MVP: variants seen among roughly 807,000 people sequenced by gnomAD.
MVP encodes major vault protein, also known as lung resistance-related protein.
MVP carries 62 observed loss-of-function variants against 83.5 expected under a neutral mutation model. That is an observed-to-expected ratio of 0.74 (90% confidence interval 0.61 to 0.92). The LOEUF (loss-of-function observed/expected upper bound fraction) is 0.92. Among genes scored for constraint, MVP ranks in the 40% least tolerant of loss-of-function variants. MVP has a pLI of 0.00. For missense variants in MVP, 1,000 were observed against 1,203.4 expected (o/e 0.83, Z 2.50); for synonymous variants, 505 against 504.1 (o/e 1.00, Z -0.02).
At chr16:29,838,365 G>T (rs886975378) in intron 7 of MVP, among the ~76,000 whole-genome samples, 1 of 151,104 alleles carries the variant, frequency 6.6e-6, no homozygotes, top group Non-Finnish European at 1.5e-5. Context: ...GAACCCGGGA[G>T]GCGGAGGTTG....
At position 29,846,198 on chromosome 16, in the gene MVP, G is replaced by A. The variant is rs376043451; in HGVS notation, c.2179G>A (p.Glu727Lys). 333 of 1,605,986 alleles carry A rather than the reference G, an allele frequency of 2.1e-4. 1 individual carries two copies. The highest frequency in any genetic ancestry group is 2.1e-4 in the Non-Finnish European group (245 of 1,176,258). ...ESTGTAKAEAESRAEAARIEG... is the reference protein window; with the variant it reads ...ESTGTAKAEAKSRAEAARIEG... ...CACCGGGACTGCCAAGGCGGAGGCC[G>A]AGTCCCGTGCGGAGGCAGCCCGGAT... Residue 727 changes from glutamate to lysine, a missense_variant, in exon 13 of 15, where the codon GAG (glutamate) becomes AAG (lysine). Transcript: ENST00000357402.
chr16:29,833,313 C>T (rs888462640), intron 3 of MVP: 1 of 167,962 alleles, frequency 6.0e-6, no homozygotes, highest in Non-Finnish European at 1.3e-5. Flanking sequence ...ATCTGAACTC[C>T]TGAGACAGGG....
intron 12 of MVP, 55 bp from the exon 13 acceptor site, chr16:29,846,102 GC>G: frequency 6.2e-7 from 1 of 1,600,840 alleles, no homozygotes; most frequent in Non-Finnish European, 8.5e-7. Context: ...ATAAGCCAAG[GC>G]CGTGGGGGGA....
chr16:29,840,241 G>A lies in MVP; in HGVS notation c.973G>A (p.Val325Met). 1.2e-6 allele frequency: 2 copies of A among 1,614,038 alleles called. No homozygotes were observed. The highest frequency in any genetic ancestry group is 1.7e-6 in the Non-Finnish European group (2 of 1,179,996). ...GGAACAAGGCATCCAGGATGTGTAT[G>A]TGCTGTCGGAGCAGCAGGGGCTGCT... ...QLEQGIQDVY[V>M]LSEQQGLLLR... Residue 325 changes from valine to methionine, a missense_variant, in exon 8 of 15, where the codon GTG becomes ATG. Physicochemically the swap from Val to Met is conservative, Grantham distance 21. Coordinates refer to ENST00000357402, the MANE Select transcript of MVP (RefSeq NM_005115.5).
Position 29,841,653 on chromosome 16 carries a change from A to G in MVP, c.1249A>G (p.Lys417Glu). 2 of 1,611,924 alleles carry G rather than the reference A, an allele frequency of 1.2e-6. No homozygotes were observed. Among genetic ancestry groups the G allele is most frequent in the Non-Finnish European group, 1.7e-6 (2 of 1,179,430 alleles). ...GACCCAGGACGAAGTCCTGTGGGAG[A>G]AAGAGCTGCCTCCCGGGGTGGAGGA... ...MLTQDEVLWE[K>E]ELPPGVEELL... is the part of the protein sequence containing the mutation. The change falls in exon 9 of 15, where the codon AAA becomes GAA. Residue 417 changes from lysine to glutamate, a missense_variant. Physicochemically the swap from Lys to Glu is moderately conservative, Grantham distance 56. Coordinates refer to ENST00000357402, the MANE Select transcript of MVP (RefSeq NM_005115.5). This position sits in a 1 kb window ranked among gnomAD's most constrained non-coding sequence, Gnocchi z 4.7.
At chr16:29,835,531 G>T in intron 5 of MVP, 173 bp from the exon 6 acceptor site, 1 of 459,886 alleles carries the variant, frequency 2.2e-6, no homozygotes, top group Non-Finnish European at 3.9e-6. Context: ...TGGGGTGGGG[G>T]TTTGGCCTCA....
At position 29,846,174 on chromosome 16, in the gene MVP, A is replaced by C; in HGVS notation, c.2155A>C (p.Thr719Pro). The C allele has an allele frequency of 6.2e-7, 1 of 1,611,106 alleles. No homozygotes were observed. Among genetic ancestry groups the C allele is most frequent in the Non-Finnish European group, 8.5e-7 (1 of 1,178,800 alleles). ...LEALSMAVES[T>P]GTAKAEAESR... ...TCTCCCCAGCATGGCCGTGGAGAGCACCGGGACTGCCAAGGCGGAGGCCGA... is the reference window on the plus strand; with the variant it reads ...TCTCCCCAGCATGGCCGTGGAGAGCCCCGGGACTGCCAAGGCGGAGGCCGA... The change falls in exon 13 of 15, where the codon ACC becomes CCC. Residue 719 changes from threonine to proline, a missense_variant. Thr to Pro is a conservative substitution (Grantham distance 38). Coordinates refer to ENST00000357402, the MANE Select transcript of MVP (RefSeq NM_005115.5).
intron 3 of MVP, chr16:29,831,649 A>G (rs1406032395): frequency 2.2e-6 from 1 of 456,136 alleles, no homozygotes; most frequent in South Asian, 1.5e-5. Flanking sequence ...CCCAGGCTCC[A>G]GAGCCTACCA....
intron 13 of MVP, 147 bp downstream of exon 13, chr16:29,846,431 G>A (rs1181976323): frequency 7.9e-7 from 1 of 1,272,422 alleles, no homozygotes; most frequent in Non-Finnish European, 1.0e-6. Context: ...CCTTTGCCTT[G>A]TAGGATTCAT....
chr16:29,831,868 G>C (rs1454199949), intron 3 of MVP: 1 of 361,932 alleles, frequency 2.8e-6, no homozygotes, highest in Non-Finnish European at 5.5e-6. Context: ...GAGCAGGTGG[G>C]TGTCCCACCT....
At chr16:29,844,320 T>C (rs2067562264) in intron 10 of MVP, among the ~76,000 whole-genome samples, 173 bp from the exon 11 acceptor site, 1 of 152,136 alleles carries the variant, frequency 6.6e-6, no homozygotes, top group Non-Finnish European at 1.5e-5. Flanking sequence ...AGAGAGTTGC[T>C]GGCTGGGCGT....
rs1012690083 is a variant in MVP at position 29,843,316 on chromosome 16, ACT to A, written c.1635-1174_1635-1173del. 7.5e-5 allele frequency among the ~76,000 whole-genome samples: 11 copies of A among 145,928 alleles called. 1 individual carries two copies. In the Admixed American group the frequency reaches 7.6e-4, roughly 10 times the overall value. ...AGACCAGGCTGGGCAACATAACAAG[ACT>A]CTGTTTCAAAAAAAAAAAATTTATA... On this transcript the variant is annotated intron_variant, in intron 10 of 14. Coordinates refer to ENST00000357402, the MANE Select transcript of MVP (RefSeq NM_005115.5).
At chr16:29,846,350 T>G (rs781372031) in intron 13 of MVP, 66 bp downstream of exon 13, 23 of 1,498,782 alleles carry the variant, frequency 1.5e-5, no homozygotes, top group Non-Finnish European at 2.1e-5. Context: ...TTCCCTACAG[T>G]CCCTGAGACT....
rs373016123 is a variant in MVP at position 29,833,921 on chromosome 16, C to A, written c.446-14C>A. The A allele has an allele frequency of 1.2e-6, 2 of 1,614,012 alleles. No homozygotes were observed. The highest frequency in any genetic ancestry group is 2.7e-5 in the African/African-American group (2 of 74,922). On this transcript the variant is annotated splice_polypyrimidine_tract_variant and intron_variant, in intron 4 of 14. Coordinates refer to ENST00000357402, the MANE Select transcript of MVP (RefSeq NM_005115.5). ...TAGCCCTGATACCTTCTGACCATCA[C>A]CTTCCCTCCCCAGGCACGTACATCC...
chr16:29,830,899 C>T lies in MVP; in HGVS notation c.147C>T (p.Arg49=), dbSNP rs369138209. The change falls in exon 3 of 15, where the codon CGC becomes CGT. Residue 49 remains arginine, a synonymous_variant. Coordinates refer to ENST00000357402, the MANE Select transcript of MVP (RefSeq NM_005115.5). ...GCAGGGTACTGTTTGCCCCCATGCG[C>T]ATGGTGACCGTCCCCCCACGTCACT... ...DNERVLFAPM[R]MVTVPPRHYC... 1.9e-6 allele frequency: 3 copies of T among 1,613,124 alleles called. No homozygotes were observed. The South Asian group carries it at 3.3e-5, about 18-fold the overall frequency.
chr16:29,832,292 CTTTTTTTTTTTTTTT>C (rs36059297), intron 3 of MVP, among the ~76,000 whole-genome samples: 4 of 107,310 alleles, frequency 3.7e-5, no homozygotes, highest in African/African-American at 1.6e-4. Flanking sequence ...ATTCTTGTAC[CTTTTTTTTTTTTTTT>C]TTTTTTTTGA....
chr16:29,828,690 G>GT (rs1283962698), intron 1 of MVP, among the ~76,000 whole-genome samples: 1 of 152,154 alleles, frequency 6.6e-6, no homozygotes, highest in Non-Finnish European at 1.5e-5. Flanking sequence ...AAGTTAAAGG[G>GT]TTTTTAAACA....
chr16:29,832,519 G>A (rs1422243758), intron 3 of MVP, among the ~76,000 whole-genome samples: 27 of 149,842 alleles, frequency 1.8e-4, no homozygotes, highest in African/African-American at 6.4e-4. Context: ...GGGTGGTCTC[G>A]ATCTCCTGAC....
At chr16:29,846,760 G>A (rs552362889) in intron 13 of MVP, among the ~76,000 whole-genome samples, 3 of 152,318 alleles carry the variant, frequency 2.0e-5, no homozygotes, top group African/African-American at 7.2e-5. Context: ...TTGGTAGGCT[G>A]AGGCAGGAGA....
Sources: allele counts gnomAD v4.1 joint callset (sites outside exome capture counted in the v4.1 genomes callset), GRCh38; gene constraint gnomAD v4.1.1; non-coding constraint Gnocchi (gnomAD v3.1); transcripts MANE v1.5; gene names NCBI Gene and HGNC (gene_info 2026-07-23, HGNC 2026-07-21).